Variants in SBF2 observed in about 807,000 individuals in gnomAD.
SBF2 encodes SET binding factor 2.
A neutral mutation model predicts 225.2 loss-of-function variants in SBF2; 112 were observed. That is an observed-to-expected ratio of 0.50 (90% confidence interval 0.43 to 0.58). The LOEUF (loss-of-function observed/expected upper bound fraction) is 0.58, where lower values mean the gene tolerates loss of function less well. SBF2 is among the 20% of genes least tolerant of loss of function. The probability of loss-of-function intolerance (pLI) is 0.00; values close to 1 mark genes in which losing one functional copy is unlikely to be tolerated. For synonymous variants in SBF2, 763 were observed against 773.3 expected (o/e 0.99, Z 0.22); for missense variants, 1,996 against 2,206.2 (o/e 0.90, Z 1.91).
rs1958179976 is a variant in SBF2, at chr11:10,217,663, C to G, written c.56-23676G>C. Among the ~76,000 whole-genome samples, 4 of 152,248 alleles carry G rather than the reference C, an allele frequency of 2.6e-5. No homozygotes were observed. In the South Asian group the frequency reaches 6.2e-4, roughly 24 times the overall value. ...TATCAGAGGCCAAACTGTGCTGCTA[C>G]TTCCTCATAATTTTTATGAGAGAAA... On this transcript the variant is annotated intron_variant, in intron 1 of 39. Coordinates refer to ENST00000256190, the MANE Select transcript of SBF2 (RefSeq NM_030962.4).
At chr11:9,826,444 G>A (rs927716483) in intron 28 of SBF2, among the ~76,000 whole-genome samples, 1 of 152,008 alleles carries the variant, frequency 6.6e-6, no homozygotes, top group African/African-American at 2.4e-5. Context: ...TTTTCAAAAG[G>A]GAAAAAAGTG....
intron 28 of SBF2, among the ~76,000 whole-genome samples, chr11:9,824,648 C>T (rs867371082): frequency 1.4e-4 from 22 of 151,864 alleles, no homozygotes; most frequent in Admixed American, 2.6e-4. Context: ...GACAACTGTG[C>T]AGCTACAATT....
chr11:10,297,849 C>T (rs1371478070), upstream of SBF2, among the ~76,000 whole-genome samples: 1 of 152,230 alleles, frequency 6.6e-6, no homozygotes, highest in African/African-American at 2.4e-5. Flanking sequence ...TAAAGCTGTG[C>T]TTTGCTTCTC....
intron 2 of SBF2, among the ~76,000 whole-genome samples, chr11:10,150,528 T>G (rs1421963594): frequency 1.3e-5 from 2 of 152,172 alleles, no homozygotes; most frequent in East Asian, 3.8e-4. Flanking sequence ...TAAATTTACT[T>G]TGAAATGTTT....
At chr11:10,260,588 C>A (rs1181985905) in intron 1 of SBF2, among the ~76,000 whole-genome samples, 1 of 151,314 alleles carries the variant, frequency 6.6e-6, no homozygotes, top group African/African-American at 2.4e-5. Context: ...TGGTGGCGGG[C>A]ACCTGTAGTC....
Position 9,789,331 on chromosome 11 carries a change from G to C in SBF2, c.4710C>G (p.Pro1570=). 6.2e-7 allele frequency: 1 copy of C among 1,612,534 alleles called. No homozygotes were observed. ...TCTTGAGGCTAGAGACGTTTACATT[G>C]GGCTTTAGAGCCTGTTAAAGAAAAC... ...YSPLEIEALK[P]NVNVSSLKKW... is the part of the protein sequence containing the mutation. The change falls in exon 35 of 40, where the codon CCC becomes CCG. Residue 1570 remains proline, a synonymous_variant. Coordinates refer to ENST00000256190, the MANE Select transcript of SBF2 (RefSeq NM_030962.4).
intron 16 of SBF2, among the ~76,000 whole-genome samples, chr11:9,943,828 C>A (rs778419462): frequency 3.4e-4 from 51 of 152,186 alleles, no homozygotes; most frequent in Non-Finnish European, 5.7e-4. Flanking sequence ...TTGTTATAAT[C>A]TAACACAGCT....
chr11:9,994,290 C>T (rs916230133), intron 9 of SBF2, among the ~76,000 whole-genome samples: 5 of 151,336 alleles, frequency 3.3e-5, no homozygotes, highest in East Asian at 2.0e-4. Flanking sequence ...CTGGCTAACA[C>T]GGTGAAACCC....
chr11:10,096,011 G>T (rs1420747352), intron 2 of SBF2, among the ~76,000 whole-genome samples: 1 of 151,996 alleles, frequency 6.6e-6, no homozygotes, highest in Non-Finnish European at 1.5e-5. Context: ...ACTGAACCAG[G>T]AGCCACAACC....
At chr11:10,104,044 C>A (rs1260618856) in intron 2 of SBF2, among the ~76,000 whole-genome samples, 1 of 150,388 alleles carries the variant, frequency 6.6e-6, no homozygotes, top group Non-Finnish European at 1.5e-5. Context: ...AACTGCACCA[C>A]TGTACTCCAT....
At chr11:10,093,120 G>A (rs1375794383) in intron 2 of SBF2, among the ~76,000 whole-genome samples, 5 of 151,390 alleles carry the variant, frequency 3.3e-5, no homozygotes, top group African/African-American at 7.3e-5. Flanking sequence ...GGGTTCAAGC[G>A]ATTCTCCTGC....
chr11:10,173,209 C>G (rs562816845), intron 2 of SBF2, among the ~76,000 whole-genome samples: 3 of 152,184 alleles, frequency 2.0e-5, no homozygotes, highest in African/African-American at 7.2e-5. Context: ...GCGTGAGCGA[C>G]GCAGAAGACG....
intron 33 of SBF2, 53 bp from the exon 34 acceptor site, chr11:9,790,736 C>CA (rs1308587314): frequency 3.5e-6 from 5 of 1,429,676 alleles, no homozygotes; most frequent in South Asian, 2.4e-5. Context: ...CACACTTTGC[C>CA]AAAAAACGTA....
chr11:10,117,292 T>A (rs1590993245), intron 2 of SBF2, among the ~76,000 whole-genome samples: 1 of 151,738 alleles, frequency 6.6e-6, no homozygotes, highest in East Asian at 1.9e-4. Context: ...AATACAAAAA[T>A]TAGCCAGGTG....
At chr11:10,124,843 G>A (rs750697260) in intron 2 of SBF2, among the ~76,000 whole-genome samples, 7 of 152,062 alleles carry the variant, frequency 4.6e-5, no homozygotes, top group Non-Finnish European at 1.0e-4. Flanking sequence ...GGTGGTTCAC[G>A]CCTGTAATCT....
rs202029370 is a variant in SBF2 at position 9,850,233 on chromosome 11, AGATT to A, written c.2611-19_2611-16del. 4.0e-3 allele frequency: 6,389 copies of A among 1,609,976 alleles called. 220 individuals are homozygous for A. The Admixed American group carries it at 0.07, about 18-fold the overall frequency. On this transcript the variant is annotated splice_polypyrimidine_tract_variant and intron_variant, in intron 21 of 39. Transcript: ENST00000256190. ...AGAATCTTGGGCTTACAACAGAAAA[AGATT>A]GATTGATTGATTGATTGACTAATTG...
In SBF2 at chr11:9,795,845, T is replaced by C; in HGVS notation, c.4556A>G (p.Glu1519Gly). Residue 1519 changes from glutamate to glycine, a missense_variant, in exon 33 of 40, where the codon GAA (glutamate) becomes GGA (glycine). Coordinates refer to ENST00000256190, the MANE Select transcript of SBF2 (RefSeq NM_030962.4). ...FKTFLLDSDY[E>G]RLEHGTLFDD... ...CAGACACATACCGTGCTCTAATCTT[T>C]CATAGTCTGAATCCAGGAGAAATGT... The C allele has an allele frequency of 6.2e-7, 1 of 1,613,878 alleles. No homozygotes were observed. Among genetic ancestry groups the C allele is most frequent in the Non-Finnish European group, 8.5e-7 (1 of 1,179,930 alleles).
At chr11:10,220,329 C>A (rs1413166778) in intron 1 of SBF2, among the ~76,000 whole-genome samples, 2 of 152,138 alleles carry the variant, frequency 1.3e-5, no homozygotes, top group African/African-American at 4.8e-5. Context: ...CCACCGGGAC[C>A]CTCTGATGAC....
chr11:9,840,577 A>G (rs1047764170), intron 25 of SBF2, among the ~76,000 whole-genome samples: 2 of 152,212 alleles, frequency 1.3e-5, no homozygotes, highest in African/African-American at 4.8e-5. Flanking sequence ...AGGACTCTAT[A>G]AAAACACCCA....
Sources: gnomAD v4.1 joint callset for allele counts (sites outside exome capture counted in the v4.1 genomes callset) on GRCh38, gnomAD v4.1.1 for gene constraint, MANE v1.5 for transcripts, NCBI Gene and HGNC (gene_info 2026-07-23, HGNC 2026-07-21) for gene names.